Variants in SFMBT2 observed in about 807,000 individuals in gnomAD.
The protein encoded by SFMBT2 is scm-like with four MBT domains protein 2.
A neutral mutation model predicts 110.1 loss-of-function variants in SFMBT2; 38 were observed. The ratio of observed to expected loss-of-function variants is 0.35; its 90% CI spans 0.27 to 0.45. The LOEUF (loss-of-function observed/expected upper bound fraction) is 0.45. Among genes scored for constraint, SFMBT2 ranks in the 20% least tolerant of loss-of-function variants. SFMBT2 has a pLI of 1.00. For missense variants in SFMBT2, 1,011 were observed against 1,094.9 expected (o/e 0.92, Z 1.08); for synonymous variants, 425 against 425.4 (o/e 1.00, Z 0.01).
chr10:7,248,503 A>G (rs555921455), intron 8 of SFMBT2, 45 bp downstream of exon 8: 19 of 1,504,152 alleles, frequency 1.3e-5, no homozygotes, highest in Non-Finnish European at 1.7e-5. Context: ...GCTTAATTTG[A>G]TCCACTCTAG....
At chr10:7,395,207 TACTC>T (rs1453226240) in intron 1 of SFMBT2, among the ~76,000 whole-genome samples, 2 of 152,126 alleles carry the variant, frequency 1.3e-5, no homozygotes, top group Non-Finnish European at 2.9e-5. Context: ...TAATCCCAGC[TACTC>T]AGGAGGTGGA....
chr10:7,200,120 A>G (rs1838904218), intron 14 of SFMBT2, among the ~76,000 whole-genome samples: 1 of 152,236 alleles, frequency 6.6e-6, no homozygotes, highest in Non-Finnish European at 1.5e-5. Flanking sequence ...CCTTTTCCCC[A>G]TGATATGCAG....
chr10:7,205,675 A>G, intron 12 of SFMBT2, 140 bp downstream of exon 12: 1 of 1,399,448 alleles, frequency 7.1e-7, no homozygotes, highest in African/African-American at 1.5e-5. Context: ...AAGCGAGATC[A>G]TGAAAACATG....
chr10:7,303,973 G>C (rs574193134), intron 4 of SFMBT2, among the ~76,000 whole-genome samples: 1 of 152,274 alleles, frequency 6.6e-6, no homozygotes, highest in South Asian at 2.1e-4. Flanking sequence ...TGCGACACCC[G>C]ACAGAAGGTG....
intron 11 of SFMBT2, chr10:7,219,776 A>G (rs1382359872): frequency 3.6e-6 from 1 of 274,998 alleles, no homozygotes; most frequent in African/African-American, 2.3e-5. Context: ...CATTGTAATT[A>G]TTTATCACTG....
chr10:7,165,239 G>A (rs1837667053), intron 20 of SFMBT2, among the ~76,000 whole-genome samples: 1 of 152,154 alleles, frequency 6.6e-6, no homozygotes, highest in Non-Finnish European at 1.5e-5. Context: ...ATTATACCCA[G>A]GGCTGCCATA....
chr10:7,399,416 G>C (rs1846013867), intron 1 of SFMBT2, among the ~76,000 whole-genome samples: 1 of 152,070 alleles, frequency 6.6e-6, no homozygotes, highest in Admixed American at 6.5e-5. Flanking sequence ...ATTTTTAGTA[G>C]AGACGGGGTT....
intron 8 of SFMBT2, 101 bp downstream of exon 8, chr10:7,248,447 T>C: frequency 2.1e-6 from 2 of 964,168 alleles, no homozygotes; most frequent in Non-Finnish European, 3.2e-6. Flanking sequence ...GCATTGCTGA[T>C]AGCCTTGCAC....
chr10:7,249,034 A>C, intron 7 of SFMBT2: 5 of 873,964 alleles, frequency 5.7e-6, no homozygotes, highest in Non-Finnish European at 6.9e-6. Flanking sequence ...GTCACATCTC[A>C]GGGCTTCAGT....
At chr10:7,165,767 T>A (rs1227361203) in intron 20 of SFMBT2, among the ~76,000 whole-genome samples, 1 of 152,262 alleles carries the variant, frequency 6.6e-6, no homozygotes, top group African/African-American at 2.4e-5. Flanking sequence ...TTTCATGCTA[T>A]GTTTATATCA....
intron 11 of SFMBT2, among the ~76,000 whole-genome samples, chr10:7,216,673 T>C (rs1839553491): frequency 1.3e-5 from 2 of 152,170 alleles, no homozygotes; most frequent in Admixed American, 6.5e-5. Context: ...AAGCAAAGTT[T>C]GTGGTCACCG....
chr10:7,257,630 G>A (rs1372746720), intron 7 of SFMBT2, among the ~76,000 whole-genome samples: 1 of 148,656 alleles, frequency 6.7e-6, no homozygotes, highest in Non-Finnish European at 1.5e-5. Context: ...AGAAAAGAAA[G>A]AACATTCATG....
chr10:7,282,884 A>G (rs1346096634), intron 6 of SFMBT2, among the ~76,000 whole-genome samples: 1 of 152,008 alleles, frequency 6.6e-6, no homozygotes, highest in East Asian at 1.9e-4. Flanking sequence ...AGATTCACCA[A>G]TTTCTGAAAA....
chr10:7,207,187 T>C (rs575319119), intron 11 of SFMBT2, among the ~76,000 whole-genome samples: 3 of 151,962 alleles, frequency 2.0e-5, no homozygotes, highest in Non-Finnish European at 4.4e-5. Flanking sequence ...TGAAGACACC[T>C]TGTCTCTACA....
rs1842022789 is a variant in SFMBT2 at position 7,284,107 on chromosome 10, G to A, written c.569C>T (p.Ser190Phe). ...CTGGGAATCCTGAAGTTCTATTAAG[G>A]AACCAACTGTAATGAGGTCTATAGG... is the stretch of plus-strand genomic sequence containing the variant. ...KGPIDLITVG[S>F]LIELQDSQNP... is the part of the protein sequence containing the mutation. The change falls in exon 6 of 21, where the codon TCC becomes TTC. Residue 190 changes from serine (S) to phenylalanine (F), a missense_variant. Ser to Phe is a radical substitution (Grantham distance 155). Around this residue, in one of 2 missense-constraint regions of SFMBT2, gnomAD observed 979 missense variants for 1,016.1 expected, o/e 0.96. Coordinates refer to ENST00000397167, the MANE Select transcript of SFMBT2 (RefSeq NM_001387889.1). The A allele has an allele frequency of 6.2e-7, 1 of 1,614,162 alleles. No homozygotes were observed. Among genetic ancestry groups the A allele is most frequent in the African/African-American group, 1.3e-5 (1 of 75,036 alleles).
chr10:7,374,964 C>A (rs1443777114), intron 2 of SFMBT2, among the ~76,000 whole-genome samples: 4 of 152,132 alleles, frequency 2.6e-5, no homozygotes, highest in Non-Finnish European at 5.9e-5. Context: ...AAACCCAGAG[C>A]AAATATTTAT....
chr10:7,309,555 GCTGT>G lies in SFMBT2; in HGVS notation c.437-23605_437-23602del, dbSNP rs1445411924. Among the ~76,000 whole-genome samples the G allele has an allele frequency of 7.2e-5, 11 of 152,302 alleles. No individual in the cohort carries two copies. In the East Asian group the frequency reaches 2.1e-3, roughly 29 times the overall value. ...CATGGAACGGGGGTGTATAGGAAAA[GCTGT>G]CTGTCCCTCACATTGGACTGTGACA... is the stretch of plus-strand genomic sequence containing the variant. On this transcript the variant is annotated intron_variant, in intron 4 of 20. Transcript: ENST00000397167.
chr10:7,368,225 A>G (rs1488905596), intron 3 of SFMBT2: 5 of 569,480 alleles, frequency 8.8e-6, no homozygotes, highest in Non-Finnish European at 1.1e-5. Flanking sequence ...AAAGCCTCTA[A>G]AACCTGGTGT....
At chr10:7,259,439 C>CTAT (rs1841128887) in intron 7 of SFMBT2, among the ~76,000 whole-genome samples, 1 of 152,230 alleles carries the variant, frequency 6.6e-6, no homozygotes, top group African/African-American at 2.4e-5. Context: ...AGCCTCAACA[C>CTAT]TATTGGCCTT....
Sources: gnomAD v4.1 joint callset for allele counts (sites outside exome capture counted in the v4.1 genomes callset) on GRCh38, gnomAD v4.1.1 for gene constraint, gnomAD v4.1.1 regional missense constraint, MANE v1.5 for transcripts, NCBI Gene and HGNC (gene_info 2026-07-23, HGNC 2026-07-21) for gene names.